The following B4GALNT3 variants were observed in gnomAD, a reference collection of about 807,000 sequenced individuals.
B4GALNT3 encodes the protein beta-1,4-N-acetyl-galactosaminyltransferase 3, also known as beta-1,4-N-acetylgalactosaminyltransferase 3.
A neutral mutation model predicts 120.2 loss-of-function variants in B4GALNT3; 86 were observed. The ratio of observed to expected loss-of-function variants is 0.72; its 90% CI spans 0.60 to 0.86. The LOEUF is 0.86. Among genes scored for constraint, B4GALNT3 ranks in the 40% least tolerant of loss-of-function variants. B4GALNT3 has a pLI of 0.00. For missense variants in B4GALNT3, 1,167 were observed against 1,298.9 expected, an observed-to-expected ratio of 0.90 and a Z score of 1.56; for synonymous variants, 518 against 510.4, an observed-to-expected ratio of 1.01 and a Z score of -0.20.
intron 1 of B4GALNT3, among the ~76,000 whole-genome samples, chr12:487,119 C>A (rs556554914): frequency 6.6e-6 from 1 of 151,812 alleles, no homozygotes; most frequent in African/African-American, 2.4e-5. Flanking sequence ...TAGGATATGA[C>A]GACATAAACT....
At chr12:463,236 G>A (rs761653529) in intron 1 of B4GALNT3, among the ~76,000 whole-genome samples, 38 of 152,196 alleles carry the variant, frequency 2.5e-4, no homozygotes, top group Non-Finnish European at 5.1e-4. Flanking sequence ...TGGAGAGATG[G>A]CAGTCACAAA....
intron 1 of B4GALNT3, among the ~76,000 whole-genome samples, chr12:505,509 G>A (rs1946489146): frequency 6.6e-6 from 1 of 152,194 alleles, no homozygotes; most frequent in African/African-American, 2.4e-5. Flanking sequence ...TTGGAGAATT[G>A]CTTTGGAGAA....
intron 1 of B4GALNT3, among the ~76,000 whole-genome samples, chr12:484,799 TAAAA>T (rs71045065): frequency 0.055 from 7,919 of 144,100 alleles, 315 homozygotes; most frequent in East Asian, 0.21. Context: ...GGAGAAAAAT[TAAAA>T]AAAAAAAAAA....
chr12:553,891 C>G lies in B4GALNT3; in HGVS notation c.1968C>G (p.Ser656Arg), dbSNP rs1412962745. 6.2e-7 allele frequency: 1 copy of G among 1,614,154 alleles called. No homozygotes were observed. The highest frequency in any genetic ancestry group is 1.1e-5 in the South Asian group (1 of 91,082). The part of the protein sequence containing the change: ...QALRTDWIDL[S>R]CNTSGNLLLP... ...TGAGGACTGACTGGATCGATCTGAG[C>G]TGTAACACATCTGGCAACCTGCTGC... The change falls in exon 14 of 20, where the codon AGC becomes AGG. Residue 656 changes from serine to arginine, a missense_variant. Coordinates refer to ENST00000266383, the MANE Select transcript of B4GALNT3 (RefSeq NM_173593.4).
At chr12:498,766 C>T (rs1184379429) in intron 1 of B4GALNT3, among the ~76,000 whole-genome samples, 1 of 152,170 alleles carries the variant, frequency 6.6e-6, no homozygotes, top group Non-Finnish European at 1.5e-5. Context: ...GATGTTCCCG[C>T]GTCTGTCTTT....
intron 3 of B4GALNT3, among the ~76,000 whole-genome samples, chr12:543,621 C>T (rs2120687783): frequency 1.1e-5 from 1 of 90,640 alleles, no homozygotes; most frequent in Non-Finnish European, 2.3e-5. Context: ...CTGGGGCGGG[C>T]ATGGGGTGCT....
At chr12:552,414 G>GGCT in intron 12 of B4GALNT3, 53 bp from the exon 13 acceptor site, 1 of 1,561,698 alleles carries the variant, frequency 6.4e-7, no homozygotes, top group Non-Finnish European at 8.8e-7. Flanking sequence ...GCAGAGCCAG[G>GGCT]GCTGAGCCCG....
intron 14 of B4GALNT3, 49 bp downstream of exon 14, chr12:554,032 C>G: frequency 5.1e-6 from 7 of 1,374,766 alleles, no homozygotes; most frequent in Non-Finnish European, 7.1e-6. Flanking sequence ...ACGTGGCAGC[C>G]AGCTGGCCTG....
rs772569056 is a variant in B4GALNT3, at chr12:460,533, C to T, written c.157C>T (p.Pro53Ser). The T allele has an allele frequency of 6.6e-7, 1 of 1,521,714 alleles. No individual in the cohort carries two copies. The highest frequency in any genetic ancestry group is 1.2e-5 in the South Asian group (1 of 80,172). The allele number at this position is 1,521,714 out of a possible 1,614,324, so 94.3% of individuals were successfully genotyped here. A position where few individuals can be genotyped will look rare whatever the true frequency, so the allele number is the denominator to read the frequency against. ...GGCGTCGGCCCAGGTCGGCGGGAAC[C>T]CCCTGAACCGGAGTAAGTAGCACCC... ...LVASAQVGGN[P>S]LNRRYGSWRE... is the part of the protein sequence containing the mutation. The change falls in exon 1 of 20, where the codon CCC becomes TCC. Residue 53 changes from proline to serine, a missense_variant. By Grantham distance (74) the Pro-to-Ser change is moderately conservative. This residue lies in a region of B4GALNT3 where 171 missense variants were observed against 161.3 expected (regional missense o/e 1.06). Transcript: ENST00000266383. The surrounding 1 kb of genome is among the most constrained non-coding windows in gnomAD (Gnocchi z 8.0).
At chr12:538,046 A>G (rs760036555) in intron 3 of B4GALNT3, among the ~76,000 whole-genome samples, 3 of 152,226 alleles carry the variant, frequency 2.0e-5, no homozygotes, top group Non-Finnish European at 4.4e-5. Flanking sequence ...TACTTTGAAA[A>G]GAACTTGCTT....
intron 6 of B4GALNT3, 77 bp from the exon 7 acceptor site, chr12:546,569 C>T: frequency 3.0e-6 from 4 of 1,315,756 alleles, no homozygotes; most frequent in Non-Finnish European, 4.3e-6. Context: ...GTTCTCCTTC[C>T]TGGTCTCGCA....
At chr12:508,929 G>A (rs1946521903) in intron 1 of B4GALNT3, among the ~76,000 whole-genome samples, 1 of 152,214 alleles carries the variant, frequency 6.6e-6, no homozygotes, top group African/African-American at 2.4e-5. Flanking sequence ...TTGTGAGGTT[G>A]GCAGGACAGC....
intron 1 of B4GALNT3, among the ~76,000 whole-genome samples, chr12:503,620 C>T (rs947005848): frequency 4.6e-5 from 7 of 152,148 alleles, no homozygotes; most frequent in African/African-American, 1.4e-4. Flanking sequence ...TGCTCCTCCA[C>T]CCCCACCTGC....
In B4GALNT3 at chr12:553,585, C is replaced by T. The variant is rs780231595; in HGVS notation, c.1662C>T (p.Asp554=). Residue 554 remains aspartate, a synonymous_variant, in exon 14 of 20, where the codon GAC becomes GAT. Transcript: ENST00000266383. The stretch of plus-strand genomic sequence containing the variant: ...GGCCCAGGCCCAGGCCCGCTGGTGA[C>T]AGCCCCAGGAAGACTCAGTGGCTGA... ...MRGPRPRPAG[D]SPRKTQWLNQ... 1 of 1,613,988 alleles carries T rather than the reference C, an allele frequency of 6.2e-7. No individual in the cohort carries two copies. Among genetic ancestry groups the T allele is most frequent in the South Asian group, 1.1e-5 (1 of 91,090 alleles).
chr12:528,342 C>A (rs1247308529), intron 1 of B4GALNT3, among the ~76,000 whole-genome samples: 13 of 152,166 alleles, frequency 8.5e-5, no homozygotes, highest in Admixed American at 8.5e-4. Context: ...CCTCCCACCT[C>A]AGCCTCCTGA....
At chr12:514,531 T>C (rs940305220) in intron 1 of B4GALNT3, among the ~76,000 whole-genome samples, 2 of 152,056 alleles carry the variant, frequency 1.3e-5, no homozygotes, top group Admixed American at 6.5e-5. Context: ...TAAATTCTAT[T>C]AGTATGAGAG....
intron 1 of B4GALNT3, among the ~76,000 whole-genome samples, chr12:515,264 C>T (rs998213636): frequency 6.6e-6 from 1 of 152,120 alleles, no homozygotes; most frequent in Non-Finnish European, 1.5e-5. Flanking sequence ...TGGCTTACTG[C>T]AACCTCCACC....
At chr12:499,748 A>G (rs1386187260) in intron 1 of B4GALNT3, among the ~76,000 whole-genome samples, 2 of 152,276 alleles carry the variant, frequency 1.3e-5, no homozygotes, top group Non-Finnish European at 2.9e-5. Flanking sequence ...ATATTTGTTA[A>G]GTGAATGAAT....
chr12:476,709 A>G (rs1056642262), intron 1 of B4GALNT3, among the ~76,000 whole-genome samples: 30 of 152,232 alleles, frequency 2.0e-4, no homozygotes, highest in Non-Finnish European at 7.3e-5. Context: ...ATTGTTTATT[A>G]TAACTTAATC....
Sources: gnomAD v4.1 joint callset for allele counts (sites outside exome capture counted in the v4.1 genomes callset) on GRCh38, gnomAD v4.1.1 for gene constraint, gnomAD v4.1.1 regional missense constraint, Gnocchi (gnomAD v3.1) non-coding constraint, MANE v1.5 for transcripts, NCBI Gene and HGNC (gene_info 2026-07-23, HGNC 2026-07-21) for gene names.